Variants in STK39 observed in about 807,000 individuals in gnomAD.
STK39 encodes serine/threonine kinase 39.
STK39 carries 20 observed loss-of-function variants against 77.8 expected under a neutral mutation model. The observed-to-expected ratio is 0.26, with a 90% CI of 0.18 to 0.37. The LOEUF (loss-of-function observed/expected upper bound fraction) is 0.37. Among genes scored for constraint, STK39 ranks in the 10% least tolerant of loss-of-function variants. The pLI, the probability that STK39 is intolerant of heterozygous loss-of-function variation, is 1.00. For synonymous variants in STK39, 246 were observed against 234.1 expected, an observed-to-expected ratio of 1.05 and a Z score of -0.47; for missense variants, 479 against 656.5, an observed-to-expected ratio of 0.73 and a Z score of 2.95.
rs114743821 is a variant in STK39, at chr2:168,015,395, C to A, written c.1429+1648G>T. Reference sequence around the variant, plus strand: ...AGAATACAGACAGCATCAATAGTCACAGAGGTGCAGTGATATATGCACATC... The same window carrying A: ...AGAATACAGACAGCATCAATAGTCAAAGAGGTGCAGTGATATATGCACATC... On this transcript the variant is annotated intron_variant, in intron 15 of 17. Coordinates refer to ENST00000355999, the MANE Select transcript of STK39 (RefSeq NM_013233.3). Among the ~76,000 whole-genome samples, 1,478 of 152,366 alleles carry A rather than the reference C, an allele frequency of 9.7e-3. 28 individuals carry two copies. Among genetic ancestry groups the A allele is most frequent in the African/African-American group, 0.034 (1,407 of 41,586 alleles).
intron 5 of STK39, among the ~76,000 whole-genome samples, chr2:168,148,793 C>T (rs1443109777): frequency 6.6e-6 from 1 of 152,128 alleles, no homozygotes; most frequent in African/African-American, 2.4e-5. Context: ...CATCAATAAT[C>T]CCTAAAACTA....
chr2:168,148,691 G>A (rs997126888), intron 5 of STK39, among the ~76,000 whole-genome samples: 20 of 152,140 alleles, frequency 1.3e-4, no homozygotes, highest in Non-Finnish European at 2.9e-5. Flanking sequence ...GCACACCCAC[G>A]GCCAAAGAGG....
chr2:168,196,607 G>C (rs117504903), intron 1 of STK39, among the ~76,000 whole-genome samples: 3,609 of 152,340 alleles, frequency 0.024, 91 homozygotes, highest in East Asian at 0.079. Flanking sequence ...AGTGACCTGT[G>C]ATCATGCCAC....
At chr2:168,035,183 T>C (rs1359153876) in intron 14 of STK39, among the ~76,000 whole-genome samples, 3 of 152,192 alleles carry the variant, frequency 2.0e-5, no homozygotes, top group Non-Finnish European at 4.4e-5. Context: ...TGAGGGGTTT[T>C]AAAAGATGGA....
chr2:167,987,901 C>T (rs912526770), intron 16 of STK39, among the ~76,000 whole-genome samples: 14 of 152,278 alleles, frequency 9.2e-5, no homozygotes, highest in Non-Finnish European at 1.6e-4. Context: ...AACATATTTA[C>T]TGAGATTTAC....
intron 1 of STK39, chr2:168,232,348 A>G (rs1454929390): frequency 6.5e-6 from 1 of 153,260 alleles, no homozygotes; most frequent in Admixed American, 6.5e-5. Context: ...GGTCAGTCAT[A>G]CCTCATAAAG....
At chr2:168,244,872 A>T (rs1207481145) in intron 1 of STK39, among the ~76,000 whole-genome samples, 2 of 152,162 alleles carry the variant, frequency 1.3e-5, no homozygotes, top group African/African-American at 4.8e-5. Context: ...TCCTCAGGTA[A>T]ATTTCTTTTT....
At chr2:168,124,259 A>C (rs970532512) in intron 10 of STK39, among the ~76,000 whole-genome samples, 4 of 152,214 alleles carry the variant, frequency 2.6e-5, no homozygotes, top group African/African-American at 4.8e-5. Context: ...GGCAACCATA[A>C]GAAGGGAAAG....
intron 10 of STK39, among the ~76,000 whole-genome samples, chr2:168,102,440 G>T (rs4473354): frequency 0.71 from 108,004 of 151,964 alleles, 39,108 homozygotes; most frequent in Non-Finnish European, 0.79. Context: ...TATTCCTGTT[G>T]GGTATACAAG....
chr2:167,967,135 G>A (rs912203057), intron 16 of STK39, among the ~76,000 whole-genome samples: 2 of 152,212 alleles, frequency 1.3e-5, no homozygotes, highest in East Asian at 1.9e-4. Flanking sequence ...TAAGACACTC[G>A]AGTTTCTGGA....
At chr2:168,093,978 T>C (rs1047985112) in intron 10 of STK39, among the ~76,000 whole-genome samples, 7 of 152,200 alleles carry the variant, frequency 4.6e-5, no homozygotes, top group Admixed American at 1.3e-4. Flanking sequence ...TACTTGCCCA[T>C]GCTGGTCCCT....
intron 16 of STK39, among the ~76,000 whole-genome samples, chr2:167,972,855 A>C (rs1692387667): frequency 1.3e-5 from 2 of 152,042 alleles, no homozygotes; most frequent in Admixed American, 1.3e-4. Flanking sequence ...TCTCCCTCAA[A>C]ATCTAAGGCT....
intron 10 of STK39, among the ~76,000 whole-genome samples, chr2:168,085,412 C>T (rs1290431193): frequency 2.0e-5 from 3 of 152,196 alleles, no homozygotes; most frequent in South Asian, 2.1e-4. Context: ...ATCTTTAAGA[C>T]GTGTGTATTC....
intron 1 of STK39, among the ~76,000 whole-genome samples, chr2:168,230,646 G>C (rs1690429874): frequency 6.6e-6 from 1 of 152,154 alleles, no homozygotes; most frequent in Admixed American, 6.5e-5. Flanking sequence ...GCTGATACAG[G>C]GAATGTCAGA....
chr2:168,005,814 T>TC (rs1284408380), intron 16 of STK39, among the ~76,000 whole-genome samples: 1 of 152,114 alleles, frequency 6.6e-6, no homozygotes, highest in Non-Finnish European at 1.5e-5. Context: ...GATGGTGACA[T>TC]GTATGGTAAG....
chr2:167,965,898 A>T (rs1692145801), intron 16 of STK39, among the ~76,000 whole-genome samples: 1 of 152,232 alleles, frequency 6.6e-6, no homozygotes, highest in African/African-American at 2.4e-5. Context: ...ACAACAACCT[A>T]GATACATGGA....
At chr2:168,077,185 C>T (rs1033321484) in intron 10 of STK39, among the ~76,000 whole-genome samples, 6 of 152,136 alleles carry the variant, frequency 3.9e-5, no homozygotes, top group African/African-American at 1.4e-4. Flanking sequence ...ATTGTAGAAC[C>T]CAAGGATAGC....
intron 1 of STK39, among the ~76,000 whole-genome samples, chr2:168,240,956 G>A (rs1402628483): frequency 2.0e-5 from 3 of 152,204 alleles, no homozygotes; most frequent in Admixed American, 6.5e-5. Context: ...CACTGGCTCT[G>A]GCCACAGAAG....
chr2:167,963,503 T>C (rs1012862265), intron 17 of STK39, among the ~76,000 whole-genome samples: 5 of 151,188 alleles, frequency 3.3e-5, no homozygotes, highest in Non-Finnish European at 7.4e-5. Context: ...TGCCATTTTC[T>C]CATCAATATA....
Sources: allele counts gnomAD v4.1 joint callset (sites outside exome capture counted in the v4.1 genomes callset), GRCh38; gene constraint gnomAD v4.1.1; transcripts MANE v1.5; gene names NCBI Gene and HGNC (gene_info 2026-07-23, HGNC 2026-07-21).